WWOX: variants seen among roughly 807,000 people sequenced by gnomAD.
The protein encoded by WWOX is WW domain-containing oxidoreductase.
A neutral mutation model predicts 46.2 loss-of-function variants in WWOX; 69 were observed. The ratio of observed to expected loss-of-function variants is 1.49; its 90% CI spans 1.23 to 1.82. The LOEUF is 1.82. Ranked by LOEUF, WWOX falls within the 40% of genes most tolerant of loss-of-function variation. WWOX has a pLI of 0.00. For missense variants in WWOX, 919 were observed against 542.6 expected (o/e 1.69, Z -6.89); for synonymous variants, 359 against 202.6 (o/e 1.77, Z -6.56).
rs2051807924 is a variant in WWOX, at chr16:79,212,608, C to CTT, written c.*813_*814dup. The CTT allele has an allele frequency of 6.3e-6, 1 of 158,270 alleles. No individual in the cohort carries two copies. Among genetic ancestry groups the CTT allele is most frequent in the Admixed American group, 6.0e-5 (1 of 16,790 alleles). 9.8% of individuals were successfully genotyped at this position (158,270 alleles called of 1,614,324 possible). On this transcript the variant is annotated 3_prime_UTR_variant, in exon 9 of 9. Coordinates refer to ENST00000566780, the MANE Select transcript of WWOX (RefSeq NM_016373.4). ...TCAGTTCTCTTGCTTTCACATTGTA[C>CTT]TTAAACCTCCTGCTGTGCCTCGCAT...
intron 8 of WWOX, among the ~76,000 whole-genome samples, chr16:78,749,891 A>G (rs1024287469): frequency 3.3e-5 from 5 of 152,126 alleles, no homozygotes; most frequent in African/African-American, 1.2e-4. Context: ...GACTTTCTTC[A>G]CTTTGAGGGT....
intron 8 of WWOX, among the ~76,000 whole-genome samples, chr16:78,974,148 A>G (rs1048737952): frequency 6.6e-6 from 1 of 152,246 alleles, no homozygotes; most frequent in Admixed American, 6.5e-5. Context: ...TCACAAATCA[A>G]ACAATATCAG....
intron 8 of WWOX, among the ~76,000 whole-genome samples, chr16:78,854,746 A>C (rs2052528688): frequency 6.6e-6 from 1 of 151,324 alleles, no homozygotes; most frequent in African/African-American, 2.4e-5. Context: ...ACTCCCAGCT[A>C]CTTTTTGTAT....
intron 8 of WWOX, among the ~76,000 whole-genome samples, chr16:78,652,228 G>A (rs565939015): frequency 1.4e-5 from 2 of 140,818 alleles, no homozygotes; most frequent in Non-Finnish European, 1.6e-5. Flanking sequence ...TGGCCAATAT[G>A]GTGAAACCTG....
intron 5 of WWOX, among the ~76,000 whole-genome samples, chr16:78,245,250 T>A (rs1441243878): frequency 6.6e-6 from 1 of 152,226 alleles, no homozygotes; most frequent in African/African-American, 2.4e-5. Context: ...AGTAAACCAA[T>A]GAGAGGAACC....
chr16:79,137,351 G>C (rs771134385), intron 8 of WWOX, among the ~76,000 whole-genome samples: 2 of 152,312 alleles, frequency 1.3e-5, no homozygotes, highest in South Asian at 2.1e-4. Context: ...AAATTCATGT[G>C]TTAGCCTTAA....
chr16:78,723,585 T>C (rs1217292779), intron 8 of WWOX, among the ~76,000 whole-genome samples: 18 of 29,546 alleles, frequency 6.1e-4, no homozygotes, highest in African/African-American at 4.2e-3. Flanking sequence ...TTCTTTTCTT[T>C]TCTTTTCTTT....
chr16:79,189,372 C>A (rs1347229916), intron 8 of WWOX, among the ~76,000 whole-genome samples: 1 of 151,748 alleles, frequency 6.6e-6, no homozygotes. Context: ...ATCCTCCTGT[C>A]TCAGCCTCCC....
At chr16:78,920,028 G>C (rs951106713) in intron 8 of WWOX, among the ~76,000 whole-genome samples, 1 of 152,166 alleles carries the variant, frequency 6.6e-6, no homozygotes, top group African/African-American at 2.4e-5. Context: ...CATTGTATCA[G>C]TCAGCGTAGA....
rs559676502 is a variant in WWOX, at chr16:79,039,645, A to T, written c.1057-171963A>T. Among the ~76,000 whole-genome samples, 7 of 152,268 alleles carry T rather than the reference A, an allele frequency of 4.6e-5. 1 individual carries two copies. The East Asian group carries it at 7.7e-4, about 17-fold the overall frequency. On this transcript the variant is annotated intron_variant, in intron 8 of 8. Coordinates refer to ENST00000566780, the MANE Select transcript of WWOX (RefSeq NM_016373.4). ...AGGCTTCTTGACCCGGCACCTCGGA[A>T]AGTAACTCCTGTCCATTGTTCCTTG... is the stretch of plus-strand genomic sequence containing the variant.
At chr16:79,028,934 T>C (rs774220441) in intron 8 of WWOX, among the ~76,000 whole-genome samples, 1 of 151,690 alleles carries the variant, frequency 6.6e-6, no homozygotes. Flanking sequence ...GCCGCTGACA[T>C]TGAAGTTGGA....
At chr16:78,435,790 A>T (rs754660027) in intron 8 of WWOX, among the ~76,000 whole-genome samples, 6 of 152,300 alleles carry the variant, frequency 3.9e-5, no homozygotes, top group Non-Finnish European at 8.8e-5. Context: ...CAACTTAGAC[A>T]TGTCACCAGC....
At chr16:78,668,436 A>T (rs934829209) in intron 8 of WWOX, among the ~76,000 whole-genome samples, 1 of 152,238 alleles carries the variant, frequency 6.6e-6, no homozygotes, top group Non-Finnish European at 1.5e-5. Flanking sequence ...ACATTCCAAG[A>T]TTCCATTCTT....
intron 8 of WWOX, among the ~76,000 whole-genome samples, chr16:78,646,695 T>C (rs2046853075): frequency 6.6e-6 from 1 of 152,216 alleles, no homozygotes; most frequent in Non-Finnish European, 1.5e-5. Context: ...CCCGTAGTGA[T>C]AGGATTACAG....
chr16:78,501,057 G>A (rs1490005808), intron 8 of WWOX, among the ~76,000 whole-genome samples: 2 of 152,128 alleles, frequency 1.3e-5, no homozygotes, highest in Non-Finnish European at 2.9e-5. Context: ...ATTTAACAGT[G>A]AAGAATGTTG....
intron 8 of WWOX, among the ~76,000 whole-genome samples, chr16:79,151,567 C>T (rs7201292): frequency 0.35 from 53,219 of 151,880 alleles, 9,810 homozygotes; most frequent in East Asian, 0.52. Flanking sequence ...ATTTAGAAGG[C>T]GACAGAGCTG....
At chr16:78,621,590 A>ATT (rs1567442936) in intron 8 of WWOX, among the ~76,000 whole-genome samples, 1 of 43,000 alleles carries the variant, frequency 2.3e-5, no homozygotes, top group African/African-American at 9.0e-5. Flanking sequence ...TGTTGTTCTA[A>ATT]TCTTTTTTTT....
chr16:78,932,526 C>T (rs1271702026), intron 8 of WWOX, among the ~76,000 whole-genome samples: 5 of 152,330 alleles, frequency 3.3e-5, no homozygotes, highest in African/African-American at 1.2e-4. Context: ...GAAGTGGGCC[C>T]TGCCGGCAGG....
chr16:78,781,997 G>T (rs1450665374), intron 8 of WWOX, among the ~76,000 whole-genome samples: 1 of 152,068 alleles, frequency 6.6e-6, no homozygotes, highest in East Asian at 1.9e-4. Flanking sequence ...CAAGCAATTT[G>T]GTTCCAAAAC....
Sources: gnomAD v4.1 joint callset for allele counts (sites outside exome capture counted in the v4.1 genomes callset) on GRCh38, gnomAD v4.1.1 for gene constraint, MANE v1.5 for transcripts, NCBI Gene and HGNC (gene_info 2026-07-23, HGNC 2026-07-21) for gene names.